PTPRB: variants seen among roughly 807,000 people sequenced by gnomAD.
The protein encoded by PTPRB is protein tyrosine phosphatase receptor type B, also known as receptor-type tyrosine-protein phosphatase beta.
PTPRB carries 97 observed loss-of-function variants against 238.1 expected under a neutral mutation model. The observed-to-expected ratio is 0.41, with a 90% CI of 0.35 to 0.48. PTPRB has a LOEUF of 0.48. Among genes scored for constraint, PTPRB ranks in the 20% least tolerant of loss-of-function variants. The pLI, the probability that PTPRB is intolerant of heterozygous loss-of-function variation, is 0.30. For missense variants in PTPRB, 2,292 were observed against 2,681.9 expected (o/e 0.85, Z 3.21); for synonymous variants, 970 against 995.4 (o/e 0.97, Z 0.48).
At chr12:70,569,191 C>A (rs1879712812) in intron 14 of PTPRB, among the ~76,000 whole-genome samples, 1 of 152,140 alleles carries the variant, frequency 6.6e-6, no homozygotes, top group African/African-American at 2.4e-5. Context: ...CAGCCTTGAC[C>A]TCCCGGGCTC....
At position 70,556,272 on chromosome 12, in the gene PTPRB, G is replaced by A. The variant is rs1877664660; in HGVS notation, c.4715-124C>T. On this transcript the variant is annotated intron_variant, in intron 18 of 33. Coordinates refer to ENST00000334414, the MANE Select transcript of PTPRB (RefSeq NM_001109754.4). The stretch of plus-strand genomic sequence containing the variant: ...AGGGACAGACAGGCAAATACAGAGT[G>A]TCGTGGCTCACCCTAGCAGAGACAC... The A allele has an allele frequency of 2.7e-5, 24 of 884,676 alleles. No homozygotes were observed. The South Asian group carries it at 4.2e-4, about 15-fold the overall frequency. 54.8% of individuals were successfully genotyped at this position (884,676 alleles called of 1,614,324 possible).
intron 3 of PTPRB, among the ~76,000 whole-genome samples, chr12:70,617,488 C>A (rs546162773): frequency 1.3e-5 from 2 of 152,086 alleles, no homozygotes; most frequent in Non-Finnish European, 2.9e-5. Flanking sequence ...GTTTCCTTTC[C>A]CCCTCTCCCC....
At chr12:70,555,621 T>C (rs1206578032) in intron 19 of PTPRB, among the ~76,000 whole-genome samples, 1 of 152,200 alleles carries the variant, frequency 6.6e-6, no homozygotes, top group Non-Finnish European at 1.5e-5. Flanking sequence ...CAAAGTGATA[T>C]ATTTAAATAC....
intron 3 of PTPRB, among the ~76,000 whole-genome samples, chr12:70,615,902 A>G (rs1021964697): frequency 1.2e-4 from 19 of 152,232 alleles, no homozygotes; most frequent in African/African-American, 4.3e-4. Flanking sequence ...AATAGGCTGC[A>G]TATATCCTGA....
chr12:70,616,263 G>A (rs997960200), intron 3 of PTPRB, among the ~76,000 whole-genome samples: 1 of 152,084 alleles, frequency 6.6e-6, no homozygotes, highest in Non-Finnish European at 1.5e-5. Context: ...TCTTTAATGT[G>A]GAACAATTCC....
At position 70,535,930 on chromosome 12, in the gene PTPRB, A is replaced by G. The variant is rs982764920; in HGVS notation, c.6081+95T>C. The G allele has an allele frequency of 2.7e-6, 4 of 1,477,344 alleles. No individual in the cohort carries two copies. In the Admixed American group the frequency reaches 7.0e-5, roughly 26 times the overall value. The allele number at this position is 1,477,344 out of a possible 1,614,324, so 91.5% of individuals were successfully genotyped here. A position where few individuals can be genotyped will look rare whatever the true frequency, so the allele number is the denominator to read the frequency against. On this transcript the variant is annotated intron_variant, in intron 29 of 33. Coordinates refer to ENST00000334414, the MANE Select transcript of PTPRB (RefSeq NM_001109754.4). Reference sequence around the variant, plus strand: ...CTAACAATGCTCTCACATGATCCCTACGTTGTTTTGCGGGGTTTCACTTTG... The same window carrying G: ...CTAACAATGCTCTCACATGATCCCTGCGTTGTTTTGCGGGGTTTCACTTTG...
At chr12:70,585,272 T>C (rs1881783025) in intron 9 of PTPRB, 1 of 152,222 alleles carries the variant, frequency 6.6e-6, no homozygotes, top group African/African-American at 2.4e-5. Flanking sequence ...AAGGGAAATC[T>C]TGATGACTTT....
At chr12:70,626,369 TCCTGCCTG>T (rs757749640) in intron 2 of PTPRB, among the ~76,000 whole-genome samples, 7 of 124,432 alleles carry the variant, frequency 5.6e-5, no homozygotes, top group Admixed American at 9.0e-5. Context: ...CTATCTATAT[TCCTGCCTG>T]CCTGCCTGCC....
intron 18 of PTPRB, 85 bp from the exon 19 acceptor site, chr12:70,556,233 G>A: frequency 8.0e-7 from 1 of 1,245,092 alleles, no homozygotes; most frequent in East Asian, 2.4e-5. Flanking sequence ...CTAGCTCTGA[G>A]ATCTAGGTAT....
chr12:70,539,414 G>A (rs551126600), intron 26 of PTPRB: 48 of 576,606 alleles, frequency 8.3e-5, no homozygotes, highest in South Asian at 4.9e-4. Context: ...CCCTTGGTTT[G>A]CTGTGTTATT....
intron 3 of PTPRB, among the ~76,000 whole-genome samples, chr12:70,616,110 T>A (rs954841934): frequency 5.3e-5 from 8 of 152,148 alleles, no homozygotes; most frequent in African/African-American, 1.7e-4. Flanking sequence ...TTAAATTTTT[T>A]AAATTATTTA....
chr12:70,543,907 T>G (rs576122201), intron 22 of PTPRB, among the ~76,000 whole-genome samples: 17 of 152,286 alleles, frequency 1.1e-4, no homozygotes, highest in African/African-American at 4.1e-4. Flanking sequence ...CAAAAGACTG[T>G]CATGAGAATT....
At chr12:70,538,794 A>T (rs1592418628) in intron 27 of PTPRB, 130 bp downstream of exon 27, 1 of 494,538 alleles carries the variant, frequency 2.0e-6, no homozygotes, top group Non-Finnish European at 3.9e-6. Flanking sequence ...ATTTCTTATT[A>T]AAGGCATTCA....
chr12:70,596,830 AC>A (rs1309149849), intron 4 of PTPRB, among the ~76,000 whole-genome samples: 3 of 152,166 alleles, frequency 2.0e-5, no homozygotes, highest in Admixed American at 6.5e-5. Context: ...TTAGACAACC[AC>A]AAAAGATACA....
chr12:70,540,269 CA>C, intron 23 of PTPRB: 1 of 400,664 alleles, frequency 2.5e-6, no homozygotes, highest in African/African-American at 2.0e-5. Context: ...AGGTTATAAT[CA>C]CTTCCCACAT....
chr12:70,596,354 C>CAAA (rs58070382), intron 4 of PTPRB, 27 bp from the exon 5 acceptor site: 50 of 1,123,094 alleles, frequency 4.5e-5, no homozygotes, highest in Admixed American at 2.2e-4. Flanking sequence ...CACACACACA[C>CAAA]AAAAAAAAAA....
intron 2 of PTPRB, among the ~76,000 whole-genome samples, chr12:70,626,363 C>CTATCTATT (rs1216518987): frequency 1.5e-5 from 2 of 133,782 alleles, no homozygotes; most frequent in Non-Finnish European, 3.1e-5. Flanking sequence ...ATCTATCTAT[C>CTATCTATT]TATATTCCTG....
chr12:70,532,267 C>CAGTT, intron 31 of PTPRB, 97 bp from the exon 32 acceptor site: 1 of 1,384,790 alleles, frequency 7.2e-7, no homozygotes, highest in Non-Finnish European at 9.7e-7. Flanking sequence ...TTTCCCTTCC[C>CAGTT]AGTTATGGGA....
At chr12:70,602,918 T>C (rs1204598543) in intron 4 of PTPRB, among the ~76,000 whole-genome samples, 2 of 152,216 alleles carry the variant, frequency 1.3e-5, no homozygotes, top group South Asian at 2.1e-4. Flanking sequence ...TACACATTCA[T>C]ACATATAGAA....
Sources: allele counts gnomAD v4.1 joint callset (sites outside exome capture counted in the v4.1 genomes callset), GRCh38; gene constraint gnomAD v4.1.1; transcripts MANE v1.5; gene names NCBI Gene and HGNC (gene_info 2026-07-23, HGNC 2026-07-21).